Variants in KIFAP3 observed in about 807,000 individuals in gnomAD.
KIFAP3 encodes kinesin-associated protein 3.
KIFAP3 carries 68 observed loss-of-function variants against 106.5 expected under a neutral mutation model. That is an observed-to-expected ratio of 0.64 (90% confidence interval 0.53 to 0.78). The LOEUF is 0.78. Among genes scored for constraint, KIFAP3 ranks in the 30% least tolerant of loss-of-function variants. KIFAP3 has a pLI of 0.00. For synonymous variants in KIFAP3, 320 were observed against 311.5 expected (o/e 1.03, Z -0.29); for missense variants, 780 against 941.8 (o/e 0.83, Z 2.25).
chr1:170,020,216 T>C (rs1003878680), intron 9 of KIFAP3, among the ~76,000 whole-genome samples: 7 of 152,200 alleles, frequency 4.6e-5, no homozygotes, highest in Non-Finnish European at 8.8e-5. Context: ...GGTCAATATA[T>C]TGATCCCCTC....
chr1:169,945,104 G>C (rs56802002), intron 19 of KIFAP3, among the ~76,000 whole-genome samples: 1 of 150,950 alleles, frequency 6.6e-6, no homozygotes, highest in African/African-American at 2.4e-5. Context: ...CCCTGAGCTT[G>C]TAGGTGCCCA....
chr1:169,980,633 T>C (rs539573191), intron 15 of KIFAP3, among the ~76,000 whole-genome samples: 11 of 152,286 alleles, frequency 7.2e-5, no homozygotes, highest in African/African-American at 2.4e-4. Context: ...ACCACATATA[T>C]AGAACATTTT....
chr1:169,928,955 A>C (rs1332888018), intron 19 of KIFAP3, among the ~76,000 whole-genome samples: 1 of 152,090 alleles, frequency 6.6e-6, no homozygotes, highest in Non-Finnish European at 1.5e-5. Flanking sequence ...TGGAAAAGAG[A>C]ATATTTTCTC....
chr1:170,035,666 AC>A, intron 5 of KIFAP3, 113 bp from the exon 6 acceptor site: 4 of 585,098 alleles, frequency 6.8e-6, no homozygotes. Flanking sequence ...TAGAACTGGG[AC>A]AAAAAGTAGG....
At chr1:169,971,869 G>A (rs1457420358) in intron 17 of KIFAP3, among the ~76,000 whole-genome samples, 1 of 151,762 alleles carries the variant, frequency 6.6e-6, no homozygotes, top group African/African-American at 2.4e-5. Context: ...CAAAATAATC[G>A]AGTATCTGGT....
chr1:169,965,077 C>CT (rs1350692336), intron 17 of KIFAP3, among the ~76,000 whole-genome samples: 1 of 151,984 alleles, frequency 6.6e-6, no homozygotes, highest in Non-Finnish European at 1.5e-5. Flanking sequence ...TACTAATTGG[C>CT]TTTTTTTCTA....
chr1:169,973,658 T>C (rs1666063579), intron 16 of KIFAP3, among the ~76,000 whole-genome samples: 1 of 151,800 alleles, frequency 6.6e-6, no homozygotes, highest in Non-Finnish European at 1.5e-5. Context: ...ACTACAGACT[T>C]CTCATTGGCA....
At chr1:169,983,490 CTCTT>C in intron 12 of KIFAP3, 108 bp from the exon 13 acceptor site, 1 of 689,234 alleles carries the variant, frequency 1.5e-6, no homozygotes, top group Non-Finnish European at 2.5e-6. Context: ...AAATGCATAA[CTCTT>C]AAGGGTACAA....
intron 10 of KIFAP3, among the ~76,000 whole-genome samples, chr1:169,998,393 T>TACACACAC (rs1490763807): frequency 1.8e-5 from 2 of 108,808 alleles, no homozygotes; most frequent in East Asian, 2.3e-4. Context: ...TATATATATA[T>TACACACAC]ATATATACAC....
chr1:169,967,499 C>T (rs1273546376), intron 17 of KIFAP3, among the ~76,000 whole-genome samples: 1 of 151,760 alleles, frequency 6.6e-6, no homozygotes, highest in Non-Finnish European at 1.5e-5. Context: ...TAATATGGTA[C>T]TGCATAATAT....
chr1:169,921,907 A>G (rs2101755948), intron 19 of KIFAP3, 126 bp from the exon 20 acceptor site: 1 of 581,296 alleles, frequency 1.7e-6, no homozygotes, highest in East Asian at 3.1e-5. Flanking sequence ...TTAGGTGGAT[A>G]TCATTAACTT....
chr1:169,923,785 G>A (rs1223504078), intron 19 of KIFAP3, among the ~76,000 whole-genome samples: 2 of 152,190 alleles, frequency 1.3e-5, no homozygotes, highest in Admixed American at 6.5e-5. Context: ...TCCTCAGAAG[G>A]GAGTTCACCA....
At chr1:169,964,941 C>G (rs1211318292) in intron 17 of KIFAP3, among the ~76,000 whole-genome samples, 3 of 151,780 alleles carry the variant, frequency 2.0e-5, no homozygotes, top group African/African-American at 7.3e-5. Flanking sequence ...TTAGAAATGG[C>G]CAGATAATTT....
chr1:170,048,864 C>T (rs759161357), intron 2 of KIFAP3, among the ~76,000 whole-genome samples: 1 of 152,124 alleles, frequency 6.6e-6, no homozygotes, highest in African/African-American at 2.4e-5. Context: ...GAGCCTATAA[C>T]ACCTGGGCCC....
rs551354755 is a variant in KIFAP3 at position 169,954,014 on chromosome 1, C to G, written c.2270G>C (p.Gly757Ala). 7 of 1,609,628 alleles carry G rather than the reference C, an allele frequency of 4.3e-6. No homozygotes were observed. Among genetic ancestry groups the G allele is most frequent in the Non-Finnish European group, 6.0e-6 (7 of 1,176,058 alleles). Reference protein sequence around the residue: ...GDVVGQHSFPGSLGMDGFGQP... With the variant: ...GDVVGQHSFPASLGMDGFGQP... ...TTTTTCTTGGAAAACTGTTTACCTG[C>G]CAGGAAATGAATGCTGCCCAACAAC... Residue 757 changes from glycine (G) to alanine (A), a missense_variant, in exon 19 of 20, where the codon GGC (glycine) becomes GCC (alanine). By Grantham distance (60) the Gly-to-Ala change is moderately conservative. Around this residue, in one of 3 missense-constraint regions of KIFAP3, gnomAD observed 114 missense variants for 122.3 expected, o/e 0.93. Coordinates refer to ENST00000361580, the MANE Select transcript of KIFAP3 (RefSeq NM_014970.4).
At chr1:170,053,758 A>C (rs1264171841) in intron 2 of KIFAP3, among the ~76,000 whole-genome samples, 1 of 152,184 alleles carries the variant, frequency 6.6e-6, no homozygotes, top group African/African-American at 2.4e-5. Flanking sequence ...TTTCCTATTT[A>C]ATAAATGGTG....
At chr1:170,029,193 T>A (rs1422621718) in intron 8 of KIFAP3, among the ~76,000 whole-genome samples, 2 of 152,140 alleles carry the variant, frequency 1.3e-5, no homozygotes, top group Non-Finnish European at 2.9e-5. Context: ...CACATCTACA[T>A]CCTATATCTT....
chr1:170,039,150 A>G, intron 4 of KIFAP3, 83 bp downstream of exon 4: 1 of 713,904 alleles, frequency 1.4e-6, no homozygotes, highest in South Asian at 2.3e-5. Context: ...CATGTGCTTA[A>G]TGTGATTGTG....
intron 19 of KIFAP3, among the ~76,000 whole-genome samples, chr1:169,927,622 T>C (rs1384958225): frequency 6.6e-6 from 1 of 152,136 alleles, no homozygotes; most frequent in Non-Finnish European, 1.5e-5. Flanking sequence ...GTATCTGACA[T>C]GGAGTGGGCA....
Sources: gnomAD v4.1 joint callset for allele counts (sites outside exome capture counted in the v4.1 genomes callset) on GRCh38, gnomAD v4.1.1 for gene constraint, gnomAD v4.1.1 regional missense constraint, MANE v1.5 for transcripts, NCBI Gene and HGNC (gene_info 2026-07-23, HGNC 2026-07-21) for gene names.